The following CFAP92 variants were observed in gnomAD, a reference collection of about 807,000 sequenced individuals.
CFAP92 encodes the protein uncharacterized protein CFAP92.
Under a neutral mutation model 106.3 loss-of-function variants are expected in CFAP92, and 86 were observed. The observed-to-expected ratio is 0.81, with a 90% CI of 0.68 to 0.97. The LOEUF (loss-of-function observed/expected upper bound fraction) is 0.97. CFAP92 is among the 50% of genes least tolerant of loss of function. The pLI is 0.00. For missense variants in CFAP92, 1,204 were observed against 1,283.8 expected (o/e 0.94, Z 0.95); for synonymous variants, 477 against 506.4 (o/e 0.94, Z 0.78).
intron 12 of CFAP92, among the ~76,000 whole-genome samples, chr3:128,928,557 G>C (rs980179916): frequency 6.6e-6 from 1 of 152,126 alleles, no homozygotes; most frequent in Admixed American, 6.6e-5. Context: ...CAATTTAATG[G>C]GGGAATAGCT....
the CFAP92 span, among the ~76,000 whole-genome samples, chr3:129,008,390 A>G: frequency 4.6e-4 from 70 of 152,180 alleles, no homozygotes; most frequent in African/African-American, 1.7e-3. Context: ...CCTCTTCTTG[A>G]TTTTGACTTT....
rs542531983 is a variant in CFAP92 at position 128,961,928 on chromosome 3, G to A, written c.1353+3583C>T. ...AGCACACAAGAACTTCCAAACGCCT[G>A]AACCGCAGTGGCCAGGTGTTCCTCC... On this transcript the variant is annotated intron_variant, in intron 9 of 15. Coordinates refer to ENST00000645291, the MANE Select transcript of CFAP92 (RefSeq NM_001394090.1). Among the ~76,000 whole-genome samples the A allele has an allele frequency of 4.4e-3, 665 of 152,282 alleles. 2 individuals carry two copies. Among genetic ancestry groups the A allele is most frequent in the African/African-American group, 0.015 (621 of 41,566 alleles).
upstream of CFAP92, among the ~76,000 whole-genome samples, chr3:129,006,107 G>A (rs578227133): frequency 1.3e-5 from 2 of 152,330 alleles, no homozygotes; most frequent in South Asian, 4.1e-4. Flanking sequence ...GAGAAATGAG[G>A]CACTGAGAAG....
At chr3:128,942,916 CTTTTTT>C (rs36073693) in intron 10 of CFAP92, among the ~76,000 whole-genome samples, 2 of 84,950 alleles carry the variant, frequency 2.4e-5, no homozygotes, top group Admixed American at 1.5e-4. Context: ...AAAACTCAAC[CTTTTTT>C]TTTTTTTTTT....
In CFAP92 at chr3:128,945,860, A is replaced by G. The variant is rs1040973896; in HGVS notation, c.1469T>C (p.Leu490Pro). ...TAGGTCACTGGGGTGCAGTGCCCCA[A>G]GGAAGATGACGTTGATGTCCTGGAA... Reference protein sequence around the residue: ...VYFQDINVIFLGALHPSDLRE... With the variant: ...VYFQDINVIFPGALHPSDLRE... Residue 490 changes from leucine to proline, a missense_variant, in exon 10 of 16, where the codon CTT becomes CCT. Transcript: ENST00000645291. 7 of 1,491,766 alleles carry G rather than the reference A, an allele frequency of 4.7e-6. No individual in the cohort carries two copies. The African/African-American group carries it at 8.4e-5, about 18-fold the overall frequency. The allele number at this position is 1,491,766 out of a possible 1,614,324, so 92.4% of individuals were successfully genotyped here.
At chr3:128,990,426 G>A (rs1023217935) in intron 2 of CFAP92, among the ~76,000 whole-genome samples, 1 of 152,146 alleles carries the variant, frequency 6.6e-6, no homozygotes, top group Non-Finnish European at 1.5e-5. Context: ...GAACCCAGGA[G>A]GCGGAGGTTG....
At chr3:128,937,712 G>T (rs1025330949) in intron 10 of CFAP92, among the ~76,000 whole-genome samples, 3 of 152,096 alleles carry the variant, frequency 2.0e-5, no homozygotes, top group African/African-American at 7.2e-5. Flanking sequence ...GTCACCATTG[G>T]GGGAGGTTGA....
At chr3:129,020,297 T>G in the CFAP92 span, among the ~76,000 whole-genome samples, 1 of 152,184 alleles carries the variant, frequency 6.6e-6, no homozygotes, top group Non-Finnish European at 1.5e-5. Context: ...ATCCCTAATT[T>G]AGCCCTGACT....
intron 9 of CFAP92, among the ~76,000 whole-genome samples, chr3:128,963,920 T>C (rs2107765428): frequency 6.6e-6 from 1 of 152,052 alleles, no homozygotes; most frequent in South Asian, 2.1e-4. Flanking sequence ...TTAGCTTTAC[T>C]CAACATGCCC....
chr3:128,952,430 A>G (rs1464176074), intron 9 of CFAP92, among the ~76,000 whole-genome samples: 1 of 152,204 alleles, frequency 6.6e-6, no homozygotes, highest in African/African-American at 2.4e-5. Flanking sequence ...GTAATACTCA[A>G]TATATCCAAG....
chr3:128,947,190 A>G (rs777445379), intron 9 of CFAP92, among the ~76,000 whole-genome samples: 1 of 152,152 alleles, frequency 6.6e-6, no homozygotes, highest in Non-Finnish European at 1.5e-5. Flanking sequence ...TCTCCATGCA[A>G]AATGTAAATA....
At chr3:128,915,996 T>C (rs1022295472) in intron 13 of CFAP92, 111 bp downstream of exon 13, 10 of 711,162 alleles carry the variant, frequency 1.4e-5, no homozygotes, top group African/African-American at 1.1e-4. Flanking sequence ...CCCTAGCTGA[T>C]TGGCTTTCAT....
upstream of CFAP92, among the ~76,000 whole-genome samples, chr3:129,004,888 G>C (rs117386747): frequency 1.3e-5 from 2 of 152,142 alleles, no homozygotes; most frequent in African/African-American, 2.4e-5. Flanking sequence ...TTTGGCAGAC[G>C]TGTGAGTGTG....
At chr3:128,936,880 T>A (rs1939077149) in intron 10 of CFAP92, among the ~76,000 whole-genome samples, 1 of 152,214 alleles carries the variant, frequency 6.6e-6, no homozygotes, top group South Asian at 2.1e-4. Flanking sequence ...TTTGACAGTG[T>A]CTTTTGATGA....
intron 15 of CFAP92, chr3:128,910,814 G>C: frequency 6.2e-7 from 1 of 1,614,186 alleles, no homozygotes; most frequent in South Asian, 1.1e-5. Flanking sequence ...CTGGACAAGT[G>C]TGAGTGGCAT....
At chr3:128,966,266 G>A (rs1390419279) in intron 8 of CFAP92, among the ~76,000 whole-genome samples, 3 of 152,240 alleles carry the variant, frequency 2.0e-5, no homozygotes, top group Non-Finnish European at 4.4e-5. Context: ...GTATGGGTCA[G>A]CAGAGAGCCT....
the CFAP92 span, among the ~76,000 whole-genome samples, chr3:129,020,467 T>C: frequency 6.6e-6 from 1 of 152,046 alleles, no homozygotes; most frequent in African/African-American, 2.4e-5. Flanking sequence ...TGAGACTCCA[T>C]CTCTACAAAA....
chr3:128,911,594 T>G (rs920680247), intron 15 of CFAP92, among the ~76,000 whole-genome samples: 1 of 151,884 alleles, frequency 6.6e-6, no homozygotes, highest in Admixed American at 6.6e-5. Context: ...CGCACCACCA[T>G]GCCCAGCTAA....
chr3:129,003,098 G>A (rs757014854), upstream of CFAP92, among the ~76,000 whole-genome samples: 4 of 152,210 alleles, frequency 2.6e-5, no homozygotes, highest in Non-Finnish European at 4.4e-5. Context: ...GGAAGAAACT[G>A]ACATTATATG....
Sources: allele counts gnomAD v4.1 joint callset (sites outside exome capture counted in the v4.1 genomes callset), GRCh38; gene constraint gnomAD v4.1.1; transcripts MANE v1.5; gene names NCBI Gene and HGNC (gene_info 2026-07-23, HGNC 2026-07-21).